FGD4: variants seen among roughly 807,000 people sequenced by gnomAD.
The protein encoded by FGD4 is FYVE, RhoGEF and PH domain containing 4.
In FGD4, 42 loss-of-function variants were observed where a neutral mutation model predicts 102.0. The ratio of observed to expected loss-of-function variants is 0.41; its 90% CI spans 0.32 to 0.53. The LOEUF (loss-of-function observed/expected upper bound fraction) is 0.53. Among genes scored for constraint, FGD4 ranks in the 20% least tolerant of loss-of-function variants. The pLI is 0.21. For synonymous variants in FGD4, 380 were observed against 375.7 expected (o/e 1.01, Z -0.13); for missense variants, 902 against 1,078.2 (o/e 0.84, Z 2.29).
intron 1 of FGD4, among the ~76,000 whole-genome samples, chr12:32,487,673 C>T (rs1005145123): frequency 3.3e-5 from 5 of 152,220 alleles, no homozygotes; most frequent in African/African-American, 1.2e-4. Context: ...GTGATCCACC[C>T]GCCTTTGCCT....
intron 1 of FGD4, among the ~76,000 whole-genome samples, chr12:32,457,218 A>G (rs1942972443): frequency 6.6e-6 from 1 of 151,736 alleles, no homozygotes; most frequent in Non-Finnish European, 1.5e-5. Context: ...TGAAGTTTTA[A>G]GTATTCCATT....
chr12:32,425,782 A>G (rs1941810537), intron 1 of FGD4, among the ~76,000 whole-genome samples: 1 of 151,954 alleles, frequency 6.6e-6, no homozygotes, highest in South Asian at 2.1e-4. Context: ...TGAAGGGGAG[A>G]ACTTCACATT....
intron 11 of FGD4, among the ~76,000 whole-genome samples, chr12:32,620,501 A>G (rs930804005): frequency 1.4e-5 from 2 of 145,552 alleles, no homozygotes; most frequent in African/African-American, 2.6e-5. Context: ...TCCCCTAGCC[A>G]TAACCATTTT....
intron 1 of FGD4, among the ~76,000 whole-genome samples, chr12:32,473,865 A>G (rs1943508301): frequency 6.6e-6 from 1 of 152,142 alleles, no homozygotes; most frequent in African/African-American, 2.4e-5. Flanking sequence ...AGGCGGGCAG[A>G]TAACGAGGTC....
At chr12:32,419,590 C>T (rs181171092) in intron 1 of FGD4, among the ~76,000 whole-genome samples, 10 of 152,110 alleles carry the variant, frequency 6.6e-5, no homozygotes, top group Admixed American at 2.0e-4. Flanking sequence ...AGGTTGTGTG[C>T]CTCCTACTCT....
intron 14 of FGD4, among the ~76,000 whole-genome samples, chr12:32,630,294 A>C (rs1320857376): frequency 6.6e-6 from 1 of 152,200 alleles, no homozygotes; most frequent in Non-Finnish European, 1.5e-5. Flanking sequence ...AGACTGTCAT[A>C]CTGACAGCAG....
chr12:32,590,842 T>C (rs974183208), intron 4 of FGD4, among the ~76,000 whole-genome samples: 2 of 152,192 alleles, frequency 1.3e-5, no homozygotes, highest in Non-Finnish European at 2.9e-5. Context: ...ATTTCCCAGC[T>C]CCTTAGTTTC....
intron 1 of FGD4, among the ~76,000 whole-genome samples, chr12:32,512,388 G>A (rs1460863439): frequency 3.3e-5 from 5 of 151,754 alleles, no homozygotes; most frequent in Admixed American, 2.0e-4. Flanking sequence ...TGGAGGTTGC[G>A]GGGAGCTGAT....
intron 1 of FGD4, among the ~76,000 whole-genome samples, chr12:32,421,550 C>T (rs1030034587): frequency 1.3e-5 from 2 of 152,190 alleles, no homozygotes; most frequent in Admixed American, 1.3e-4. Flanking sequence ...TTTCTTTTAT[C>T]TTGTAGCTTT....
At chr12:32,606,644 T>C (rs752575806) in intron 7 of FGD4, among the ~76,000 whole-genome samples, 3 of 152,212 alleles carry the variant, frequency 2.0e-5, no homozygotes, top group Non-Finnish European at 4.4e-5. Flanking sequence ...GTGAAGCCTT[T>C]AGTCACTTGT....
At chr12:32,438,374 A>G (rs1254359302) in intron 1 of FGD4, among the ~76,000 whole-genome samples, 1 of 152,192 alleles carries the variant, frequency 6.6e-6, no homozygotes, top group Non-Finnish European at 1.5e-5. Context: ...ATCTGCCGTT[A>G]AGATAAAGTT....
intron 1 of FGD4, among the ~76,000 whole-genome samples, chr12:32,524,294 G>A (rs1281637090): frequency 6.6e-6 from 1 of 150,796 alleles, no homozygotes; most frequent in Non-Finnish European, 1.5e-5. Flanking sequence ...TACTCGGGAG[G>A]CTGAGGCAGG....
At chr12:32,517,448 C>T (rs1054619598) in intron 1 of FGD4, among the ~76,000 whole-genome samples, 1 of 152,098 alleles carries the variant, frequency 6.6e-6, no homozygotes, top group Non-Finnish European at 1.5e-5. Context: ...TAATTTTTTA[C>T]ACATATATCC....
At chr12:32,593,097 A>G (rs1048882223) in intron 4 of FGD4, among the ~76,000 whole-genome samples, 3 of 152,206 alleles carry the variant, frequency 2.0e-5, no homozygotes, top group Non-Finnish European at 4.4e-5. Context: ...ACCTTGGGTA[A>G]GTAACCTGGC....
intron 1 of FGD4, among the ~76,000 whole-genome samples, chr12:32,536,914 T>TTC (rs796371585): frequency 6.6e-6 from 1 of 152,086 alleles, no homozygotes; most frequent in Admixed American, 6.5e-5. Flanking sequence ...TTTCTTTTTT[T>TTC]TCTCTCTCTC....
chr12:32,611,172 G>T lies in FGD4; in HGVS notation c.1638G>T (p.Met546Ile). 1 of 1,614,154 alleles carries T rather than the reference G, an allele frequency of 6.2e-7. No homozygotes were observed. Among genetic ancestry groups the T allele is most frequent in the Non-Finnish European group, 8.5e-7 (1 of 1,180,014 alleles). The stretch of plus-strand genomic sequence containing the variant: ...AGAAACTCTTAGAGATTTATGAAAT[G>T]TTGGGAGAAGAAGAAGACATTGTAA... ...NLKKLLEIYE[M>I]LGEEEDIVNP... Residue 546 changes from methionine to isoleucine, a missense_variant, in exon 10 of 17, where the codon ATG (methionine) becomes ATT (isoleucine). Met to Ile is a conservative substitution (Grantham distance 10). Coordinates refer to ENST00000534526, the MANE Select transcript of FGD4 (RefSeq NM_001370298.3).
At chr12:32,422,287 G>GTTTTTTTTTTTT (rs1565730786) in intron 1 of FGD4, among the ~76,000 whole-genome samples, 1 of 91,678 alleles carries the variant, frequency 1.1e-5, no homozygotes. Context: ...ATTGGGAGCT[G>GTTTTTTTTTTTT]CTTTTTTTTT....
At chr12:32,436,018 C>T (rs1024820042) in intron 1 of FGD4, among the ~76,000 whole-genome samples, 1 of 152,172 alleles carries the variant, frequency 6.6e-6, no homozygotes, top group African/African-American at 2.4e-5. Flanking sequence ...CCTCACTCAA[C>T]GGAAGGACAT....
At chr12:32,500,307 C>T (rs1207188028) in intron 1 of FGD4, among the ~76,000 whole-genome samples, 3 of 152,164 alleles carry the variant, frequency 2.0e-5, no homozygotes, top group African/African-American at 7.2e-5. Flanking sequence ...TAGTGTCTAG[C>T]ACATACTAGG....
Sources: gnomAD v4.1 joint callset for allele counts (sites outside exome capture counted in the v4.1 genomes callset) on GRCh38, gnomAD v4.1.1 for gene constraint, MANE v1.5 for transcripts, NCBI Gene and HGNC (gene_info 2026-07-23, HGNC 2026-07-21) for gene names.